STXBP5L: variants seen among roughly 807,000 people sequenced by gnomAD.
STXBP5L encodes syntaxin-binding protein 5-like.
A neutral mutation model predicts 144.5 loss-of-function variants in STXBP5L; 65 were observed. The observed-to-expected ratio is 0.45, with a 90% CI of 0.37 to 0.55. STXBP5L has a LOEUF of 0.55. STXBP5L is among the 20% of genes least tolerant of loss of function. STXBP5L has a pLI of 0.00. For missense variants in STXBP5L, 1,298 were observed against 1,405.5 expected (o/e 0.92, Z 1.22); for synonymous variants, 505 against 469.6 (o/e 1.08, Z -0.97).
At chr3:120,982,806 G>C (rs1458055608) in intron 3 of STXBP5L, among the ~76,000 whole-genome samples, 1 of 152,178 alleles carries the variant, frequency 6.6e-6, no homozygotes, top group African/African-American at 2.4e-5. Flanking sequence ...GTGGTGGACT[G>C]GGCTAGGCAG....
intron 3 of STXBP5L, among the ~76,000 whole-genome samples, chr3:120,962,155 C>G (rs1938917046): frequency 6.6e-6 from 1 of 151,986 alleles, no homozygotes; most frequent in African/African-American, 2.4e-5. Context: ...TGTTTGAGTT[C>G]TTTGTAGATT....
At chr3:121,049,476 G>C (rs1434408208) in intron 5 of STXBP5L, among the ~76,000 whole-genome samples, 1 of 152,078 alleles carries the variant, frequency 6.6e-6, no homozygotes, top group Admixed American at 6.6e-5. Context: ...GAGTGTCTAC[G>C]ATTGCCCCTA....
chr3:121,311,090 T>C (rs994148652), intron 19 of STXBP5L, among the ~76,000 whole-genome samples: 1 of 152,270 alleles, frequency 6.6e-6, no homozygotes, highest in East Asian at 1.9e-4. Context: ...GATAGAATCA[T>C]GAAGATATAT....
intron 22 of STXBP5L, among the ~76,000 whole-genome samples, chr3:121,385,469 C>T (rs1414287787): frequency 5.3e-5 from 8 of 152,176 alleles, no homozygotes; most frequent in Non-Finnish European, 1.0e-4. Context: ...TGATCTAATA[C>T]GTCCCATTAG....
intron 18 of STXBP5L, among the ~76,000 whole-genome samples, chr3:121,276,169 A>G: frequency 1.2e-5 from 1 of 80,512 alleles, no homozygotes; most frequent in East Asian, 6.7e-4. Context: ...TATTAGATAT[A>G]CTTCTTTTAG....
intron 10 of STXBP5L, among the ~76,000 whole-genome samples, chr3:121,215,633 C>T (rs916502059): frequency 6.6e-6 from 1 of 152,202 alleles, no homozygotes; most frequent in African/African-American, 2.4e-5. Flanking sequence ...CTGCCCTTAA[C>T]ATTTTTTCCT....
intron 3 of STXBP5L, among the ~76,000 whole-genome samples, chr3:120,967,275 C>G (rs754327977): frequency 1.7e-4 from 26 of 152,214 alleles, no homozygotes; most frequent in Non-Finnish European, 2.9e-4. Context: ...ATGCATCACC[C>G]TGCTTCAGCT....
intron 7 of STXBP5L, among the ~76,000 whole-genome samples, chr3:121,124,048 G>A (rs1373005980): frequency 6.6e-6 from 1 of 151,058 alleles, no homozygotes; most frequent in African/African-American, 2.4e-5. Flanking sequence ...TGATATAGTA[G>A]ACTTTTATTT....
intron 3 of STXBP5L, among the ~76,000 whole-genome samples, chr3:121,008,681 GCT>G (rs1265166955): frequency 6.6e-6 from 1 of 151,942 alleles, no homozygotes; most frequent in Non-Finnish European, 1.5e-5. Flanking sequence ...CTAGCTTTTA[GCT>G]TATGTGATAA....
chr3:120,982,815 A>G (rs772209373), intron 3 of STXBP5L, among the ~76,000 whole-genome samples: 30 of 152,166 alleles, frequency 2.0e-4, no homozygotes, highest in Non-Finnish European at 3.7e-4. Flanking sequence ...TGGGCTAGGC[A>G]GTCCCCCAAT....
intron 7 of STXBP5L, among the ~76,000 whole-genome samples, chr3:121,148,199 A>G (rs1488254309): frequency 6.6e-6 from 1 of 152,152 alleles, no homozygotes; most frequent in African/African-American, 2.4e-5. Flanking sequence ...ACAAAAATTT[A>G]GTACATTAAC....
intron 3 of STXBP5L, among the ~76,000 whole-genome samples, chr3:121,030,397 G>T (rs529449682): frequency 6.6e-6 from 1 of 152,148 alleles, no homozygotes; most frequent in African/African-American, 2.4e-5. Flanking sequence ...GATGAAGCTG[G>T]AAATTGTGAT....
intron 6 of STXBP5L, among the ~76,000 whole-genome samples, chr3:121,121,407 A>T (rs918234350): frequency 6.6e-6 from 1 of 151,298 alleles, no homozygotes; most frequent in Non-Finnish European, 1.5e-5. Flanking sequence ...TGTTATTAGG[A>T]TCTTTGTGTT....
intron 18 of STXBP5L, among the ~76,000 whole-genome samples, chr3:121,279,313 TA>T (rs534145144): frequency 1.2e-3 from 178 of 152,030 alleles, no homozygotes; most frequent in African/African-American, 4.2e-3. Flanking sequence ...TCCTCATTTC[TA>T]ATATAGTGTC....
chr3:121,063,535 A>T (rs1408332743), intron 5 of STXBP5L, among the ~76,000 whole-genome samples: 2 of 152,104 alleles, frequency 1.3e-5, no homozygotes, highest in African/African-American at 4.8e-5. Flanking sequence ...GTGCTGGGAG[A>T]TCTCTATTCA....
chr3:121,376,068 C>A (rs1433648380), intron 20 of STXBP5L, among the ~76,000 whole-genome samples: 1 of 152,176 alleles, frequency 6.6e-6, no homozygotes, highest in Non-Finnish European at 1.5e-5. Flanking sequence ...GTTTTATACT[C>A]TGGAACAAGA....
In STXBP5L at chr3:121,424,750, T is replaced by A. The variant is rs938721913; in HGVS notation, c.*5653T>A. 2 of 152,214 alleles carry A rather than the reference T, an allele frequency of 1.3e-5. No homozygotes were observed. The highest frequency in any genetic ancestry group is 4.8e-5 in the African/African-American group (2 of 41,456). The allele number at this position is 152,214 out of a possible 1,614,324, so 9.4% of individuals were successfully genotyped here. On this transcript the variant is annotated 3_prime_UTR_variant, in exon 27 of 27. Coordinates refer to ENST00000471454, the MANE Select transcript of STXBP5L (RefSeq NM_001308330.2). Reference sequence around the variant, plus strand: ...GTAGAGATATCAATAAAATTGTATATGTTTGTACATAGATGCTCTCTTATG... The same window carrying A: ...GTAGAGATATCAATAAAATTGTATAAGTTTGTACATAGATGCTCTCTTATG...
intron 6 of STXBP5L, among the ~76,000 whole-genome samples, chr3:121,119,991 G>A (rs2107845359): frequency 6.6e-6 from 1 of 151,280 alleles, no homozygotes; most frequent in Non-Finnish European, 1.5e-5. Context: ...AAATTTCTGT[G>A]ATTTCATTAA....
intron 20 of STXBP5L, among the ~76,000 whole-genome samples, chr3:121,362,996 C>T (rs190257970): frequency 9.2e-5 from 14 of 152,150 alleles, no homozygotes; most frequent in Admixed American, 8.5e-4. Context: ...GCACTGGGTT[C>T]CTTTCTGGCC....
Sources: allele counts gnomAD v4.1 joint callset (sites outside exome capture counted in the v4.1 genomes callset), GRCh38; gene constraint gnomAD v4.1.1; transcripts MANE v1.5; gene names NCBI Gene and HGNC (gene_info 2026-07-23, HGNC 2026-07-21).